Variants in TLL1 observed in about 807,000 individuals in gnomAD.
TLL1 encodes the protein tolloid like 1, also known as tolloid-like protein 1.
TLL1 carries 49 observed loss-of-function variants against 128.2 expected under a neutral mutation model. The observed-to-expected ratio is 0.38, with a 90% CI of 0.30 to 0.48. The LOEUF is 0.48. TLL1 is among the 20% of genes least tolerant of loss of function. The pLI is 0.96. For synonymous variants in TLL1, 454 were observed against 418.8 expected (o/e 1.08, Z -1.03); for missense variants, 1,123 against 1,242.0 (o/e 0.90, Z 1.44).
intron 1 of TLL1, among the ~76,000 whole-genome samples, chr4:165,884,777 A>C (rs1731099868): frequency 6.6e-6 from 1 of 152,214 alleles, no homozygotes. Flanking sequence ...TGGAGGTTGC[A>C]GTGAACTGAG....
intron 18 of TLL1, among the ~76,000 whole-genome samples, chr4:166,080,368 G>A (rs1741232574): frequency 6.6e-6 from 1 of 152,038 alleles, no homozygotes; most frequent in South Asian, 2.1e-4. Context: ...ATTAATTTTA[G>A]AAAAACAAAA....
intron 1 of TLL1, among the ~76,000 whole-genome samples, chr4:165,904,755 A>T (rs1561018820): frequency 6.6e-6 from 1 of 152,240 alleles, no homozygotes; most frequent in Non-Finnish European, 1.5e-5. Context: ...TTCAATTCAC[A>T]TCTTTGATGA....
intron 20 of TLL1, 98 bp downstream of exon 20, chr4:166,099,625 GCAA>G: frequency 5.0e-6 from 5 of 997,568 alleles, no homozygotes; most frequent in East Asian, 6.0e-5. Flanking sequence ...AATGCTTTTT[GCAA>G]AAAAAAAAAA....
intron 15 of TLL1, 118 bp from the exon 16 acceptor site, chr4:166,065,561 TGTTA>T (rs1740530398): frequency 9.7e-7 from 1 of 1,032,308 alleles, no homozygotes; most frequent in South Asian, 1.5e-5. Flanking sequence ...TTTCCTTACC[TGTTA>T]GTTCTAGTTT....
intron 19 of TLL1, among the ~76,000 whole-genome samples, chr4:166,093,115 C>A (rs889016784): frequency 6.6e-6 from 1 of 151,978 alleles, no homozygotes; most frequent in Non-Finnish European, 1.5e-5. Context: ...TCAGGTGGGA[C>A]GAGAGACTGA....
intron 1 of TLL1, among the ~76,000 whole-genome samples, chr4:165,968,209 T>C (rs943928950): frequency 2.0e-5 from 3 of 152,198 alleles, no homozygotes; most frequent in Non-Finnish European, 4.4e-5. Context: ...ACATGTCTTT[T>C]TCTTTTACAA....
At chr4:165,907,647 C>A (rs1579470479) in intron 1 of TLL1, among the ~76,000 whole-genome samples, 1 of 151,108 alleles carries the variant, frequency 6.6e-6, no homozygotes, top group Non-Finnish European at 1.5e-5. Context: ...CTCCCAGGTT[C>A]AAACGATTCT....
intron 5 of TLL1, among the ~76,000 whole-genome samples, chr4:166,001,706 A>G (rs146531589): frequency 0.01 from 1,557 of 151,832 alleles, 16 homozygotes; most frequent in Non-Finnish European, 0.016. Context: ...GGCTGTCAGG[A>G]GAATCACTTG....
chr4:166,032,093 C>G (rs2111080195), intron 9 of TLL1, among the ~76,000 whole-genome samples: 1 of 152,042 alleles, frequency 6.6e-6, no homozygotes, highest in East Asian at 1.9e-4. Context: ...TGTGTTTTTT[C>G]TTTTCTCTAA....
intron 1 of TLL1, among the ~76,000 whole-genome samples, chr4:165,920,238 G>T (rs1467945981): frequency 2.6e-5 from 4 of 152,152 alleles, no homozygotes; most frequent in Non-Finnish European, 5.9e-5. Flanking sequence ...AACTTAGAAA[G>T]TCTAATTTAA....
Position 166,099,313 on chromosome 4 carries a change from G to C in TLL1, c.2693G>C (p.Arg898Thr), listed in dbSNP as rs768955072. The stretch of plus-strand genomic sequence containing the variant: ...CGATTGAAAGCAGAATCAAAACCAA[G>C]AGATCTGTACTCACATGCTCAGTTT... ...GGRLKAESKPRDLYSHAQFGD... is the reference protein window; with the variant it reads ...GGRLKAESKPTDLYSHAQFGD... The change falls in exon 20 of 21, where the codon AGA becomes ACA. Residue 898 changes from arginine (R) to threonine (T), a missense_variant. Physicochemically the swap from Arg to Thr is moderately conservative, Grantham distance 71. Coordinates refer to ENST00000061240, the MANE Select transcript of TLL1 (RefSeq NM_012464.5). 6.2e-7 allele frequency: 1 copy of C among 1,613,496 alleles called. No homozygotes were observed. Among genetic ancestry groups the C allele is most frequent in the South Asian group, 1.1e-5 (1 of 91,066 alleles).
At chr4:166,059,630 A>G (rs1740202788) in intron 14 of TLL1, among the ~76,000 whole-genome samples, 1 of 151,548 alleles carries the variant, frequency 6.6e-6, no homozygotes, top group Admixed American at 6.6e-5. Flanking sequence ...ATCTCCTAAC[A>G]CCCTTCTCAA....
intron 5 of TLL1, 86 bp from the exon 6 acceptor site, chr4:166,003,305 C>A: frequency 7.3e-7 from 1 of 1,366,832 alleles, no homozygotes; most frequent in South Asian, 1.2e-5. Context: ...TATAGCTCAT[C>A]ACTATTCTTT....
rs138791212 is a variant in TLL1, at chr4:166,048,341, A to G, written c.1524+4922A>G. 2.6e-5 allele frequency among the ~76,000 whole-genome samples: 4 copies of G among 152,136 alleles called. No homozygotes were observed. In the East Asian group the frequency reaches 7.7e-4, roughly 29 times the overall value. ...GCCCTCACCAGACACTGAATCTGCTAGTGCCTTAACCTTGAACTTCCAGCC... is the reference window on the plus strand; with the variant it reads ...GCCCTCACCAGACACTGAATCTGCTGGTGCCTTAACCTTGAACTTCCAGCC... On this transcript the variant is annotated intron_variant, in intron 12 of 20. Transcript: ENST00000061240.
Position 166,064,171 on chromosome 4 carries a change from T to G in TLL1, c.2008-1512T>G, listed in dbSNP as rs111439569. On this transcript the variant is annotated intron_variant, in intron 15 of 20. Coordinates refer to ENST00000061240, the MANE Select transcript of TLL1 (RefSeq NM_012464.5). ...TGAAATATAATTTTCTTTTAATAAGTAAAGAAAATTATTTTTATACTATTT... is the reference window on the plus strand; with the variant it reads ...TGAAATATAATTTTCTTTTAATAAGGAAAGAAAATTATTTTTATACTATTT... 5.0e-3 allele frequency among the ~76,000 whole-genome samples: 755 copies of G among 152,194 alleles called. 5 individuals carry two copies. The highest frequency in any genetic ancestry group is 0.017 in the African/African-American group (718 of 41,538).
At chr4:166,063,399 T>G (rs1490878148) in intron 15 of TLL1, among the ~76,000 whole-genome samples, 2 of 152,166 alleles carry the variant, frequency 1.3e-5, no homozygotes, top group Non-Finnish European at 2.9e-5. Context: ...GGTGGGACTG[T>G]AAACTAGTTC....
intron 19 of TLL1, among the ~76,000 whole-genome samples, chr4:166,094,275 TATTCTA>T (rs1741919038): frequency 6.6e-6 from 1 of 152,204 alleles, no homozygotes. Flanking sequence ...GCCTGGATTT[TATTCTA>T]ATTCTGATTG....
At chr4:165,959,638 G>A (rs1308200877) in intron 1 of TLL1, among the ~76,000 whole-genome samples, 1 of 152,014 alleles carries the variant, frequency 6.6e-6, no homozygotes, top group Non-Finnish European at 1.5e-5. Flanking sequence ...ATAATATCTA[G>A]CATACTCTTG....
intron 13 of TLL1, among the ~76,000 whole-genome samples, chr4:166,056,377 A>T (rs922219897): frequency 3.3e-5 from 5 of 151,456 alleles, no homozygotes; most frequent in South Asian, 2.1e-4. Flanking sequence ...TATACATTTT[A>T]AAAAATATTA....
Sources: allele counts gnomAD v4.1 joint callset (sites outside exome capture counted in the v4.1 genomes callset), GRCh38; gene constraint gnomAD v4.1.1; transcripts MANE v1.5; gene names NCBI Gene and HGNC (gene_info 2026-07-23, HGNC 2026-07-21).